Variants in ADAMTS6 observed in about 807,000 individuals in gnomAD.
ADAMTS6 encodes ADAM metallopeptidase with thrombospondin type 1 motif 6, also known as A disintegrin and metalloproteinase with thrombospondin motifs 6.
A neutral mutation model predicts 144.3 loss-of-function variants in ADAMTS6; 23 were observed. The observed-to-expected ratio is 0.16, with a 90% CI of 0.11 to 0.23. The LOEUF (loss-of-function observed/expected upper bound fraction) is 0.23, where lower values mean the gene tolerates loss of function less well. ADAMTS6 is among the 10% of genes least tolerant of loss of function. ADAMTS6 has a pLI of 1.00. For missense variants in ADAMTS6, 999 were observed against 1,379.6 expected (o/e 0.72, Z 4.37); for synonymous variants, 444 against 457.5 (o/e 0.97, Z 0.38).
intron 7 of ADAMTS6, among the ~76,000 whole-genome samples, chr5:65,439,335 T>C (rs1283022568): frequency 6.6e-6 from 1 of 151,938 alleles, no homozygotes; most frequent in East Asian, 1.9e-4. Flanking sequence ...TTAATTAAAA[T>C]GGGAAAAATT....
At chr5:65,152,033 G>T in intron 24 of ADAMTS6, 88 bp from the exon 25 acceptor site, 1 of 1,197,910 alleles carries the variant, frequency 8.3e-7, no homozygotes, top group Non-Finnish European at 1.2e-6. Flanking sequence ...GTTCAGCAAG[G>T]ACCCCCTTTG....
intron 24 of ADAMTS6, among the ~76,000 whole-genome samples, chr5:65,163,763 T>C (rs1752937778): frequency 6.6e-6 from 1 of 152,226 alleles, no homozygotes; most frequent in Non-Finnish European, 1.5e-5. Flanking sequence ...TGCATATATT[T>C]GACCCTGCCT....
chr5:65,437,250 A>G (rs1355992245), intron 7 of ADAMTS6, among the ~76,000 whole-genome samples: 3 of 151,736 alleles, frequency 2.0e-5, no homozygotes, highest in Non-Finnish European at 2.9e-5. Context: ...ACCCACCACC[A>G]CGCCCAGATA....
At chr5:65,161,317 C>A (rs558010732) in intron 24 of ADAMTS6, among the ~76,000 whole-genome samples, 3 of 152,248 alleles carry the variant, frequency 2.0e-5, no homozygotes, top group Admixed American at 6.5e-5. Context: ...AGATTGCAGG[C>A]GTGAGCCACC....
intron 18 of ADAMTS6, among the ~76,000 whole-genome samples, chr5:65,221,937 C>T (rs1427292938): frequency 6.6e-6 from 1 of 151,998 alleles, no homozygotes; most frequent in Admixed American, 6.6e-5. Context: ...GTGTGCAAGA[C>T]CTATATACTG....
At chr5:65,255,058 A>G (rs76271412) in intron 14 of ADAMTS6, among the ~76,000 whole-genome samples, 2,801 of 152,290 alleles carry the variant, frequency 0.018, 72 homozygotes, top group African/African-American at 0.063. Flanking sequence ...TGGCGTACCC[A>G]CTATCCATTA....
At chr5:65,391,581 C>T (rs958453088) in intron 7 of ADAMTS6, among the ~76,000 whole-genome samples, 1 of 152,058 alleles carries the variant, frequency 6.6e-6, no homozygotes, top group Non-Finnish European at 1.5e-5. Context: ...CCTACTCTAC[C>T]ATCCATATTC....
At chr5:65,188,904 T>C (rs1042360780) in intron 21 of ADAMTS6, among the ~76,000 whole-genome samples, 15 of 152,188 alleles carry the variant, frequency 9.9e-5, no homozygotes, top group Non-Finnish European at 2.1e-4. Context: ...AAGCTGAGGA[T>C]TTGTTTTTCA....
chr5:65,366,983 C>G (rs933111765), intron 7 of ADAMTS6, among the ~76,000 whole-genome samples: 6 of 151,972 alleles, frequency 3.9e-5, no homozygotes, highest in Non-Finnish European at 7.4e-5. Context: ...AAGAATGATG[C>G]GGGGGGTGGG....
At chr5:65,277,293 A>G (rs1762618019) in intron 11 of ADAMTS6, among the ~76,000 whole-genome samples, 1 of 152,218 alleles carries the variant, frequency 6.6e-6, no homozygotes, top group Non-Finnish European at 1.5e-5. Context: ...AAAAATAATA[A>G]TCACTTAGAA....
At chr5:65,437,463 A>G (rs1433434150) in intron 7 of ADAMTS6, among the ~76,000 whole-genome samples, 1 of 152,106 alleles carries the variant, frequency 6.6e-6, no homozygotes. Context: ...ATAGCAAGGG[A>G]AAGACTCACC....
chr5:65,452,091 T>TG (rs3830368), intron 6 of ADAMTS6, 42 bp downstream of exon 6: 792,600 of 1,458,384 alleles, frequency 0.54, 220,506 homozygotes, highest in African/African-American at 0.79. Flanking sequence ...CTCTATAGCC[T>TG]TCTGTTAACA....
intron 8 of ADAMTS6, among the ~76,000 whole-genome samples, chr5:65,331,836 C>T (rs1365967448): frequency 6.6e-6 from 1 of 151,796 alleles, no homozygotes; most frequent in Non-Finnish European, 1.5e-5. Flanking sequence ...GAAGTTAAAA[C>T]GTGTGTGTGT....
chr5:65,156,253 A>G (rs1752408713), intron 24 of ADAMTS6, among the ~76,000 whole-genome samples: 1 of 152,126 alleles, frequency 6.6e-6, no homozygotes, highest in South Asian at 2.1e-4. Context: ...GAAATTATGA[A>G]AGCCTTTTCT....
intron 7 of ADAMTS6, among the ~76,000 whole-genome samples, chr5:65,396,915 T>A (rs930367479): frequency 1.3e-5 from 2 of 152,230 alleles, no homozygotes; most frequent in African/African-American, 4.8e-5. Context: ...AGAATCAGTA[T>A]AATTTCTTTT....
At chr5:65,316,884 C>T (rs1238037672) in intron 9 of ADAMTS6, among the ~76,000 whole-genome samples, 3 of 152,078 alleles carry the variant, frequency 2.0e-5, no homozygotes, top group Non-Finnish European at 4.4e-5. Flanking sequence ...TCACTGCAAC[C>T]TCTGCCTCCT....
At chr5:65,216,558 T>C (rs1162039693) in intron 18 of ADAMTS6, among the ~76,000 whole-genome samples, 1 of 151,968 alleles carries the variant, frequency 6.6e-6, no homozygotes, top group Non-Finnish European at 1.5e-5. Flanking sequence ...GTAATGTTAA[T>C]TTCACCTCAA....
At chr5:65,435,694 C>T (rs1175365508) in intron 7 of ADAMTS6, among the ~76,000 whole-genome samples, 5 of 151,688 alleles carry the variant, frequency 3.3e-5, no homozygotes, top group Admixed American at 2.0e-4. Context: ...GGCGCGATAT[C>T]GGCTCACTGC....
chr5:65,327,885 C>T (rs1365506236), intron 9 of ADAMTS6, among the ~76,000 whole-genome samples: 1 of 152,148 alleles, frequency 6.6e-6, no homozygotes, highest in African/African-American at 2.4e-5. Flanking sequence ...CTGTATGTTA[C>T]TTTTCCTAAC....
Sources: gnomAD v4.1 joint callset for allele counts (sites outside exome capture counted in the v4.1 genomes callset) on GRCh38, gnomAD v4.1.1 for gene constraint, MANE v1.5 for transcripts, NCBI Gene and HGNC (gene_info 2026-07-23, HGNC 2026-07-21) for gene names.